The following IL1RAPL1 variants were observed in gnomAD, a reference collection of about 807,000 sequenced individuals.
IL1RAPL1 encodes interleukin 1 receptor accessory protein like 1.
A neutral mutation model predicts 48.4 loss-of-function variants in IL1RAPL1; 3 were observed. That is an observed-to-expected ratio of 0.06 (90% CI 0.03 to 0.16). The LOEUF (loss-of-function observed/expected upper bound fraction) is 0.16. IL1RAPL1 is among the 10% of genes least tolerant of loss of function. The pLI is 1.00. For synonymous variants in IL1RAPL1, 185 were observed against 187.7 expected, an observed-to-expected ratio of 0.99 and a Z score of 0.12; for missense variants, 349 against 530.6, an observed-to-expected ratio of 0.66 and a Z score of 3.36.
intron 5 of IL1RAPL1, among the ~76,000 whole-genome samples, chrX:29,620,708 G>A (rs949377271): frequency 3.6e-5 from 4 of 112,132 alleles, no homozygotes; most frequent in Non-Finnish European, 7.5e-5. Context: ...TTCAGTAAGC[G>A]TTGAACTAGT....
At chrX:29,256,504 T>C (rs1481237433) in intron 2 of IL1RAPL1, among the ~76,000 whole-genome samples, 2 of 111,538 alleles carry the variant, frequency 1.8e-5, no homozygotes, top group African/African-American at 6.5e-5. Context: ...TAGGAAGATA[T>C]GTTAATTGCT....
intron 6 of IL1RAPL1, among the ~76,000 whole-genome samples, chrX:29,907,864 G>A (rs1231420460): frequency 9.0e-6 from 1 of 111,170 alleles, no homozygotes; most frequent in African/African-American, 3.3e-5. Context: ...TTTATTGCTA[G>A]TATAAATAGG....
In IL1RAPL1 at chrX:29,941,803, T is replaced by C; in HGVS notation, c.1201+9T>C. 8.3e-7 allele frequency: 1 copy of C among 1,197,975 alleles called. No homozygotes were observed. On this transcript the variant is annotated intron_variant, in intron 9 of 10. Transcript: ENST00000378993. The stretch of plus-strand genomic sequence containing the variant: ...TGAAGAGCTCGATGGAGGTAGGATG[T>C]TACCTCTTTTATTGTTCTTTCTGAA...
intron 1 of IL1RAPL1, among the ~76,000 whole-genome samples, chrX:28,699,050 G>A (rs1172237196): frequency 9.0e-6 from 1 of 111,634 alleles, no homozygotes. Context: ...TTATTGTCTG[G>A]TGTCTCTTTA....
intron 2 of IL1RAPL1, among the ~76,000 whole-genome samples, chrX:29,254,971 A>G (rs1020835265): frequency 2.7e-5 from 3 of 111,622 alleles, no homozygotes; most frequent in Non-Finnish European, 5.7e-5. Context: ...TTTTTTTCTT[A>G]AAATGAATTT....
At chrX:29,132,019 G>C (rs1929032993) in intron 2 of IL1RAPL1, among the ~76,000 whole-genome samples, 2 of 111,464 alleles carry the variant, frequency 1.8e-5, no homozygotes, top group Non-Finnish European at 3.8e-5. Context: ...AATTCATTTG[G>C]GGGTAAATTT....
At chrX:28,910,548 T>TA (rs1316795221) in intron 2 of IL1RAPL1, among the ~76,000 whole-genome samples, 1 of 108,109 alleles carries the variant, frequency 9.2e-6, no homozygotes, top group African/African-American at 3.3e-5. Flanking sequence ...ATGTTTTCAT[T>TA]AAAAAAAGAA....
At chrX:29,203,722 AATATATATATATATATATATATATATAT>A (rs56950481) in intron 2 of IL1RAPL1, among the ~76,000 whole-genome samples, 1 of 78,428 alleles carries the variant, frequency 1.3e-5, no homozygotes, top group African/African-American at 5.4e-5. Flanking sequence ...TCCGTCTCAA[AATATATATATATATATATATATATATAT>A]ATATATATAT....
At chrX:28,986,681 G>A (rs1475879957) in intron 2 of IL1RAPL1, among the ~76,000 whole-genome samples, 2 of 112,145 alleles carry the variant, frequency 1.8e-5, no homozygotes, top group Non-Finnish European at 3.8e-5. Context: ...TCGAAAATGA[G>A]TATTTTATAT....
At chrX:29,747,210 G>C (rs1250675237) in intron 6 of IL1RAPL1, among the ~76,000 whole-genome samples, 1 of 111,878 alleles carries the variant, frequency 8.9e-6, no homozygotes, top group Non-Finnish European at 1.9e-5. Context: ...TGATGCTCTG[G>C]CTACTGGGCT....
At chrX:29,319,316 C>T (rs1429126360) in intron 3 of IL1RAPL1, among the ~76,000 whole-genome samples, 8 of 104,891 alleles carry the variant, frequency 7.6e-5, no homozygotes, top group East Asian at 3.0e-4. Context: ...CTCAGCCTCC[C>T]GAGTAGCTAG....
intron 2 of IL1RAPL1, among the ~76,000 whole-genome samples, chrX:29,176,154 T>C (rs1377391780): frequency 3.0e-5 from 3 of 100,035 alleles, no homozygotes; most frequent in African/African-American, 1.1e-4. Flanking sequence ...AGTGCAGTGG[T>C]GCGATCTCGG....
chrX:29,442,016 G>A (rs1172743558), intron 5 of IL1RAPL1, among the ~76,000 whole-genome samples: 1 of 111,756 alleles, frequency 8.9e-6, no homozygotes, highest in African/African-American at 3.3e-5. Flanking sequence ...TTACAGATTA[G>A]TTCTGGTTTG....
chrX:29,901,846 A>T (rs776591194), intron 6 of IL1RAPL1, among the ~76,000 whole-genome samples: 9 of 112,591 alleles, frequency 8.0e-5, no homozygotes, highest in Non-Finnish European at 1.5e-4. Context: ...GAAATAAAGG[A>T]TGTGCCTTAT....
At chrX:29,849,541 G>C (rs1358065840) in intron 6 of IL1RAPL1, among the ~76,000 whole-genome samples, 1 of 112,073 alleles carries the variant, frequency 8.9e-6, no homozygotes, top group Non-Finnish European at 1.9e-5. Context: ...TGTCAGAGGA[G>C]GGGGGACACT....
intron 5 of IL1RAPL1, among the ~76,000 whole-genome samples, chrX:29,647,243 G>A (rs770710830): frequency 2.6e-4 from 29 of 109,547 alleles, no homozygotes; most frequent in African/African-American, 9.3e-4. Context: ...CCAGCTACTT[G>A]GGAGGCTGAG....
At chrX:28,817,068 A>G (rs1278510662) in intron 2 of IL1RAPL1, among the ~76,000 whole-genome samples, 1 of 110,588 alleles carries the variant, frequency 9.0e-6, no homozygotes, top group Non-Finnish European at 1.9e-5. Context: ...TATAAACCTA[A>G]GATAAAGACA....
chrX:29,841,963 C>G (rs1257247917), intron 6 of IL1RAPL1, among the ~76,000 whole-genome samples: 2 of 111,941 alleles, frequency 1.8e-5, no homozygotes, highest in African/African-American at 6.5e-5. Context: ...CAGGCCCACG[C>G]TTTTAAGAGT....
chrX:29,398,928 T>G (rs1933953145), intron 4 of IL1RAPL1, among the ~76,000 whole-genome samples: 2 of 112,316 alleles, frequency 1.8e-5, no homozygotes, highest in African/African-American at 6.5e-5. Context: ...ATTGAAGTAT[T>G]CATTGGTTCA....
Sources: gnomAD v4.1 joint callset for allele counts (sites outside exome capture counted in the v4.1 genomes callset) on GRCh38, gnomAD v4.1.1 for gene constraint, MANE v1.5 for transcripts, NCBI Gene and HGNC (gene_info 2026-07-23, HGNC 2026-07-21) for gene names.